Variants in GRIK1 observed in about 807,000 individuals in gnomAD.
GRIK1 encodes the protein glutamate receptor ionotropic, kainate 1.
Under a neutral mutation model 105.7 loss-of-function variants are expected in GRIK1, and 69 were observed. That is an observed-to-expected ratio of 0.65 (90% CI 0.54 to 0.80). The LOEUF (loss-of-function observed/expected upper bound fraction) is 0.80. Ranked by LOEUF, GRIK1 falls within the 30% of genes least tolerant of loss-of-function variation. The probability of loss-of-function intolerance (pLI) is 0.00; values close to 1 mark genes in which losing one functional copy is unlikely to be tolerated. For missense variants in GRIK1, 1,109 were observed against 1,167.3 expected (o/e 0.95, Z 0.73); for synonymous variants, 438 against 431.3 (o/e 1.02, Z -0.19).
At chr21:29,644,489 A>G (rs2062577734) in intron 6 of GRIK1, among the ~76,000 whole-genome samples, 1 of 152,202 alleles carries the variant, frequency 6.6e-6, no homozygotes, top group East Asian at 1.9e-4. Flanking sequence ...AGGTTTTAAG[A>G]TATAGTTTTA....
intron 1 of GRIK1, chr21:29,861,587 G>GT (rs59858105): frequency 0.28 from 100,151 of 361,668 alleles, 16,058 homozygotes; most frequent in African/African-American, 0.49. Flanking sequence ...GATTATAGGT[G>GT]TGAGCCAACA....
intron 3 of GRIK1, among the ~76,000 whole-genome samples, chr21:29,673,629 C>T (rs2063202148): frequency 6.6e-6 from 1 of 152,162 alleles, no homozygotes. Flanking sequence ...ATACCCTTAA[C>T]CAGCTAATTA....
chr21:29,564,458 A>G (rs1182952458), intron 14 of GRIK1, among the ~76,000 whole-genome samples: 2 of 152,196 alleles, frequency 1.3e-5, no homozygotes, highest in South Asian at 2.1e-4. Flanking sequence ...CACCACATTT[A>G]TATTTTATTA....
intron 1 of GRIK1, among the ~76,000 whole-genome samples, chr21:29,929,877 C>T (rs553877549): frequency 1.8e-4 from 28 of 152,148 alleles, no homozygotes; most frequent in Non-Finnish European, 3.4e-4. Context: ...CAGTTCATTG[C>T]CACGTTATCC....
intron 1 of GRIK1, chr21:29,748,191 T>C (rs1001891615): frequency 1.3e-5 from 2 of 152,220 alleles, no homozygotes; most frequent in Non-Finnish European, 2.9e-5. Context: ...ACTCTGTTGA[T>C]TCAAAAGAAG....
At chr21:29,614,232 C>T (rs1014993625) in intron 7 of GRIK1, among the ~76,000 whole-genome samples, 1 of 152,086 alleles carries the variant, frequency 6.6e-6, no homozygotes, top group African/African-American at 2.4e-5. Context: ...TGGCCCAGGA[C>T]CTCCTGCATC....
intron 1 of GRIK1, among the ~76,000 whole-genome samples, chr21:29,874,209 A>G (rs796125898): frequency 6.6e-6 from 1 of 152,312 alleles, no homozygotes; most frequent in African/African-American, 2.4e-5. Flanking sequence ...GTTTACTCTG[A>G]GTAAACGGGA....
intron 1 of GRIK1, among the ~76,000 whole-genome samples, chr21:29,817,798 A>G (rs558603123): frequency 1.3e-5 from 2 of 152,168 alleles, no homozygotes; most frequent in East Asian, 1.9e-4. Context: ...TGCTGCAGCA[A>G]AAGTTGAATA....
At chr21:29,864,933 T>G (rs2068754630) in intron 1 of GRIK1, among the ~76,000 whole-genome samples, 1 of 152,184 alleles carries the variant, frequency 6.6e-6, no homozygotes, top group African/African-American at 2.4e-5. Context: ...TACTGGTATT[T>G]AAGGGACAGA....
At chr21:29,658,806 TG>T (rs1028452426) in intron 4 of GRIK1, among the ~76,000 whole-genome samples, 11 of 151,998 alleles carry the variant, frequency 7.2e-5, no homozygotes, top group Non-Finnish European at 1.2e-4. Flanking sequence ...TGGGCTTGGG[TG>T]GGGGTATGTG....
intron 4 of GRIK1, among the ~76,000 whole-genome samples, chr21:29,659,096 G>A (rs2146592220): frequency 6.6e-6 from 1 of 152,234 alleles, no homozygotes. Flanking sequence ...ATGTCATCCA[G>A]CTTTATGTTT....
Position 29,924,688 on chromosome 21 carries a change from C to T in GRIK1, c.118+14695G>A, listed in dbSNP as rs118136077. 3.0e-3 allele frequency among the ~76,000 whole-genome samples: 450 copies of T among 152,184 alleles called. 6 individuals carry two copies. The highest frequency in any genetic ancestry group is 4.5e-3 in the Admixed American group (69 of 15,286). On this transcript the variant is annotated intron_variant, in intron 1 of 17. Coordinates refer to ENST00000327783, the MANE Select transcript of GRIK1 (RefSeq NM_001330994.2). The stretch of plus-strand genomic sequence containing the variant: ...TTGTTTTTTTCACCTTTTAGTGACT[C>T]TTGTCATTATTTAAAACTATTTGCA...
chr21:29,547,459 G>T (rs554288438), intron 16 of GRIK1, among the ~76,000 whole-genome samples: 3 of 152,206 alleles, frequency 2.0e-5, no homozygotes, highest in South Asian at 2.1e-4. Context: ...AAACAATATT[G>T]TGGTTGGCAG....
chr21:29,797,565 T>G (rs1218369335), intron 1 of GRIK1, among the ~76,000 whole-genome samples: 1 of 152,152 alleles, frequency 6.6e-6, no homozygotes, highest in Non-Finnish European at 1.5e-5. Flanking sequence ...ACAAAATAAT[T>G]CCATCACACA....
At chr21:29,869,180 C>A (rs1446602531) in intron 1 of GRIK1, among the ~76,000 whole-genome samples, 1 of 152,074 alleles carries the variant, frequency 6.6e-6, no homozygotes, top group East Asian at 1.9e-4. Context: ...CCTGAGTCCA[C>A]TAAAGTTTCT....
rs2062108966 is a variant in GRIK1, at chr21:29,625,678, A to G, written c.1098+17148T>C. Among the ~76,000 whole-genome samples the G allele has an allele frequency of 2.6e-5, 4 of 152,090 alleles. No individual in the cohort carries two copies. The South Asian group carries it at 8.3e-4, about 32-fold the overall frequency. ...ATGTATGCAAATATGTAATGCACAT[A>G]TTTGCTTTCATGTCTCTCTTCATGT... On this transcript the variant is annotated intron_variant, in intron 7 of 17. Transcript: ENST00000327783.
chr21:29,685,775 C>T (rs1364891286), intron 3 of GRIK1, among the ~76,000 whole-genome samples: 1 of 152,176 alleles, frequency 6.6e-6, no homozygotes, highest in Admixed American at 6.5e-5. Flanking sequence ...TTCTCAGAAA[C>T]AAGGTCTTTC....
chr21:29,644,863 T>C (rs971429873), intron 6 of GRIK1, among the ~76,000 whole-genome samples: 1 of 152,232 alleles, frequency 6.6e-6, no homozygotes, highest in African/African-American at 2.4e-5. Context: ...TCGCATGCTG[T>C]TCTAAATCCC....
intron 7 of GRIK1, among the ~76,000 whole-genome samples, chr21:29,627,968 T>G (rs2062171384): frequency 6.6e-6 from 1 of 152,228 alleles, no homozygotes; most frequent in African/African-American, 2.4e-5. Flanking sequence ...AAGACTTAGA[T>G]GCAATTCATC....
Sources: allele counts gnomAD v4.1 joint callset (sites outside exome capture counted in the v4.1 genomes callset), GRCh38; gene constraint gnomAD v4.1.1; transcripts MANE v1.5; gene names NCBI Gene and HGNC (gene_info 2026-07-23, HGNC 2026-07-21).